Variants in PLD5 observed in about 807,000 individuals in gnomAD.
PLD5 encodes inactive phospholipase D5.
A neutral mutation model predicts 61.1 loss-of-function variants in PLD5; 36 were observed. The ratio of observed to expected loss-of-function variants is 0.59; its 90% CI spans 0.45 to 0.78. The LOEUF is 0.78. Among genes scored for constraint, PLD5 ranks in the 30% least tolerant of loss-of-function variants. PLD5 has a pLI of 0.00. For synonymous variants in PLD5, 243 were observed against 242.8 expected, an observed-to-expected ratio of 1.00 and a Z score of -0.01; for missense variants, 515 against 644.4, an observed-to-expected ratio of 0.80 and a Z score of 2.17.
chr1:242,222,572 T>G (rs141562873), intron 4 of PLD5, among the ~76,000 whole-genome samples: 16 of 152,326 alleles, frequency 1.1e-4, no homozygotes, highest in African/African-American at 3.8e-4. Context: ...CTCGGCCCCG[T>G]GGCCAGTTGC....
chr1:242,480,946 G>GT (rs961720380), intron 1 of PLD5, among the ~76,000 whole-genome samples: 5 of 152,168 alleles, frequency 3.3e-5, no homozygotes, highest in African/African-American at 1.2e-4. Flanking sequence ...GTCTGGTAGG[G>GT]TTTTTTTAAT....
intron 2 of PLD5, among the ~76,000 whole-genome samples, chr1:242,299,923 T>C (rs1479137973): frequency 2.6e-5 from 4 of 152,218 alleles, no homozygotes; most frequent in East Asian, 3.9e-4. Flanking sequence ...CCTGTTTTCA[T>C]GGGGCTTATT....
In PLD5 at chr1:242,348,114, A is replaced by G; in HGVS notation, c.318T>C (p.Asn106=). 1 of 1,612,792 alleles carries G rather than the reference A, an allele frequency of 6.2e-7. No homozygotes were observed. The highest frequency in any genetic ancestry group is 8.5e-7 in the Non-Finnish European group (1 of 1,179,578). ...TGTTTGTTACCTCTTACCGACATTT[A>G]TTTTGGCAATTTTTTTCTGAGAGTC... ...EDGLSEKNCQ[N]KCRIALVENI... Residue 106 remains asparagine, a synonymous_variant, in exon 2 of 10, where the codon AAT becomes AAC. Transcript: ENST00000536534.
chr1:242,394,997 G>GAATATATATA (rs1216366344), intron 1 of PLD5, among the ~76,000 whole-genome samples: 2 of 57,886 alleles, frequency 3.5e-5, no homozygotes, highest in Non-Finnish European at 6.5e-5. Context: ...GAATATATAT[G>GAATATATATA]TATATATGAA....
intron 1 of PLD5, among the ~76,000 whole-genome samples, chr1:242,383,688 C>CA (rs1662432671): frequency 6.6e-6 from 1 of 152,030 alleles, no homozygotes; most frequent in South Asian, 2.1e-4. Flanking sequence ...CTTAGAAGGG[C>CA]AAAATCTCAC....
intron 4 of PLD5, among the ~76,000 whole-genome samples, chr1:242,224,898 C>T (rs183823865): frequency 6.6e-6 from 1 of 152,138 alleles, no homozygotes; most frequent in East Asian, 1.9e-4. Context: ...GAAAGAGAGT[C>T]GTGTGACCAT....
intron 2 of PLD5, among the ~76,000 whole-genome samples, chr1:242,303,048 G>A (rs535744007): frequency 3.3e-5 from 5 of 152,240 alleles, no homozygotes; most frequent in South Asian, 2.1e-4. Context: ...GCCTTAGACC[G>A]CTCGGCCATC....
chr1:242,425,317 G>A (rs1029439880), intron 1 of PLD5, among the ~76,000 whole-genome samples: 2 of 152,202 alleles, frequency 1.3e-5, no homozygotes, highest in African/African-American at 4.8e-5. Flanking sequence ...AACCTGTGTA[G>A]CATGTAACTG....
At chr1:242,316,867 T>A (rs909512282) in intron 2 of PLD5, among the ~76,000 whole-genome samples, 1 of 152,152 alleles carries the variant, frequency 6.6e-6, no homozygotes, top group Admixed American at 6.5e-5. Context: ...CATGCGGTAT[T>A]TTGTTTTCTG....
intron 1 of PLD5, among the ~76,000 whole-genome samples, chr1:242,356,363 T>C (rs1660753608): frequency 6.6e-6 from 1 of 151,928 alleles, no homozygotes; most frequent in African/African-American, 2.4e-5. Context: ...AAGTCTATTT[T>C]CTCTAATGTA....
chr1:242,364,897 CA>C (rs774327689), intron 1 of PLD5, among the ~76,000 whole-genome samples: 27 of 150,770 alleles, frequency 1.8e-4, no homozygotes, highest in Admixed American at 2.0e-4. Context: ...ACCATGCCCA[CA>C]AAAATCAGTG....
chr1:242,086,510 G>A lies in PLD5; in HGVS notation c.*3344C>T, dbSNP rs1214205267. On this transcript the variant is annotated 3_prime_UTR_variant, in exon 10 of 10. Transcript: ENST00000536534. ...AAGCAGAGATTCAATTATTTGATAG[G>A]CTAGTGGCCAGTGACAATGCAGTGG... The A allele has an allele frequency of 6.6e-6, 1 of 152,082 alleles. No homozygotes were observed. Among genetic ancestry groups the A allele is most frequent in the Non-Finnish European group, 1.5e-5 (1 of 68,048 alleles). The allele number at this position is 152,082 out of a possible 1,614,324, so 9.4% of individuals were successfully genotyped here. A position where few individuals can be genotyped will look rare whatever the true frequency, so the allele number is the denominator to read the frequency against.
At chr1:242,486,565 G>C (rs1667968502) in intron 1 of PLD5, among the ~76,000 whole-genome samples, 1 of 152,170 alleles carries the variant, frequency 6.6e-6, no homozygotes, top group Admixed American at 6.5e-5. Context: ...GAAACAACAG[G>C]TGCTGGAGAG....
At chr1:242,227,059 C>G (rs1670998101) in intron 4 of PLD5, among the ~76,000 whole-genome samples, 1 of 151,990 alleles carries the variant, frequency 6.6e-6, no homozygotes, top group South Asian at 2.1e-4. Flanking sequence ...TTCTTGAGAG[C>G]CTTCCTCTAC....
intron 3 of PLD5, among the ~76,000 whole-genome samples, chr1:242,283,211 A>G (rs1415848547): frequency 6.6e-6 from 1 of 152,238 alleles, no homozygotes; most frequent in Non-Finnish European, 1.5e-5. Flanking sequence ...ACTCTTCCAG[A>G]GACCAGATCA....
At chr1:242,139,881 G>A (rs1261229648) in intron 5 of PLD5, among the ~76,000 whole-genome samples, 2 of 152,204 alleles carry the variant, frequency 1.3e-5, no homozygotes, top group African/African-American at 4.8e-5. Context: ...GGCCAGGGAT[G>A]CTACAGAGGC....
In PLD5 at chr1:242,201,614, C is replaced by T. The variant is rs189993213; in HGVS notation, c.735+18374G>A. Among the ~76,000 whole-genome samples, 172 of 152,078 alleles carry T rather than the reference C, an allele frequency of 1.1e-3. 1 individual carries two copies. The East Asian group carries it at 0.018, about 16-fold the overall frequency. ...AAAACCCACTGCGGCCTTAAACTTC[C>T]GGGTTCAAGTGATCCTCTTACCTCA... On this transcript the variant is annotated intron_variant, in intron 5 of 9. Transcript: ENST00000536534.
intron 1 of PLD5, among the ~76,000 whole-genome samples, chr1:242,413,443 GA>G (rs1169698256): frequency 6.6e-6 from 1 of 152,014 alleles, no homozygotes; most frequent in Non-Finnish European, 1.5e-5. Flanking sequence ...CTAGCAGGGG[GA>G]CAAACTGCTC....
At chr1:242,309,678 T>A (rs1015130371) in intron 2 of PLD5, among the ~76,000 whole-genome samples, 2 of 149,966 alleles carry the variant, frequency 1.3e-5, no homozygotes, top group Non-Finnish European at 3.0e-5. Context: ...TTGGCCTATT[T>A]TTTTTATAAT....
Sources: allele counts gnomAD v4.1 joint callset (sites outside exome capture counted in the v4.1 genomes callset), GRCh38; gene constraint gnomAD v4.1.1; transcripts MANE v1.5; gene names NCBI Gene and HGNC (gene_info 2026-07-23, HGNC 2026-07-21).